WNT7A: variants seen among roughly 807,000 people sequenced by gnomAD.
WNT7A encodes protein Wnt-7a.
A neutral mutation model predicts 28.2 loss-of-function variants in WNT7A; 16 were observed. The observed-to-expected ratio is 0.57, with a 90% CI of 0.38 to 0.86. The LOEUF is 0.86. Among genes scored for constraint, WNT7A ranks in the 40% least tolerant of loss-of-function variants. The pLI, the probability that WNT7A is intolerant of heterozygous loss-of-function variation, is 0.00. For missense variants in WNT7A, 411 were observed against 489.7 expected (o/e 0.84, Z 1.52); for synonymous variants, 190 against 195.9 (o/e 0.97, Z 0.25).
intron 2 of WNT7A, among the ~76,000 whole-genome samples, chr3:13,870,724 T>C (rs12635908): frequency 0.56 from 84,621 of 152,114 alleles, 24,453 homozygotes; most frequent in East Asian, 0.93. Flanking sequence ...CTGGGGGTAC[T>C]TGAATCTGGA....
intron 3 of WNT7A, among the ~76,000 whole-genome samples, chr3:13,850,823 C>A (rs865796554): frequency 6.6e-6 from 1 of 152,060 alleles, no homozygotes; most frequent in Non-Finnish European, 1.5e-5. Flanking sequence ...GCTGCCCAGG[C>A]TTCTCTGCAC....
At chr3:13,826,102 T>A (rs532455538) in intron 3 of WNT7A, among the ~76,000 whole-genome samples, 1 of 152,298 alleles carries the variant, frequency 6.6e-6, no homozygotes, top group East Asian at 1.9e-4. Flanking sequence ...AGTGAGGACC[T>A]ACTGTGTGGT....
intron 2 of WNT7A, among the ~76,000 whole-genome samples, chr3:13,860,391 TG>T (rs1206253032): frequency 6.6e-6 from 1 of 152,218 alleles, no homozygotes; most frequent in African/African-American, 2.4e-5. Flanking sequence ...CATCAACTCT[TG>T]TCAGAATGCA....
At position 13,833,883 on chromosome 3, in the gene WNT7A, G is replaced by A. The variant is rs373026434; in HGVS notation, c.571-14460C>T. The stretch of plus-strand genomic sequence containing the variant: ...CCACTCATTCACCTTTCCACCACAC[G>A]CTAACTTAATCCCTTCCCTGGCCAG... On this transcript the variant is annotated intron_variant, in intron 3 of 3. Transcript: ENST00000285018. Among the ~76,000 whole-genome samples, 18 of 152,294 alleles carry A rather than the reference G, an allele frequency of 1.2e-4. 1 individual carries two copies. In the South Asian group the frequency reaches 1.9e-3, roughly 16 times the overall value.
At chr3:13,829,548 C>A (rs929441965) in intron 3 of WNT7A, among the ~76,000 whole-genome samples, 1 of 152,128 alleles carries the variant, frequency 6.6e-6, no homozygotes, top group Admixed American at 6.6e-5. Context: ...GCAGGGAGAG[C>A]GGCGCTGTGG....
At chr3:13,871,584 A>G (rs1189670417) in intron 2 of WNT7A, among the ~76,000 whole-genome samples, 1 of 150,668 alleles carries the variant, frequency 6.6e-6, no homozygotes, top group Non-Finnish European at 1.5e-5. Flanking sequence ...CCTCCTTCCT[A>G]GCTGGCCCTT....
At chr3:13,833,737 G>A (rs1694320013) in intron 3 of WNT7A, among the ~76,000 whole-genome samples, 1 of 152,232 alleles carries the variant, frequency 6.6e-6, no homozygotes, top group South Asian at 2.1e-4. Context: ...CAACCACAGC[G>A]TGAGGGGCAG....
chr3:13,840,023 G>A (rs891827176), intron 3 of WNT7A, among the ~76,000 whole-genome samples: 1 of 152,158 alleles, frequency 6.6e-6, no homozygotes, highest in Non-Finnish European at 1.5e-5. Flanking sequence ...TTCTCTCACA[G>A]GGAAGCAGGG....
rs993088375 is a variant in WNT7A at position 13,817,687 on chromosome 3, G to A, written c.*1257C>T. The A allele has an allele frequency of 6.6e-6, 1 of 152,298 alleles. No individual in the cohort carries two copies. Among genetic ancestry groups the A allele is most frequent in the Non-Finnish European group, 1.5e-5 (1 of 68,110 alleles). The allele number at this position is 152,298 out of a possible 1,614,324, so 9.4% of individuals were successfully genotyped here. On this transcript the variant is annotated 3_prime_UTR_variant, in exon 4 of 4. Coordinates refer to ENST00000285018, the MANE Select transcript of WNT7A (RefSeq NM_004625.4). ...ATCTGCTTTGGGTCACCTCACCTGA[G>A]GACTACATCTCACCTTCCAGGACAC...
At position 13,818,897 on chromosome 3, in the gene WNT7A, C is replaced by G; in HGVS notation, c.*47G>C. 1 of 1,538,774 alleles carries G rather than the reference C, an allele frequency of 6.5e-7. No homozygotes were observed. The highest frequency in any genetic ancestry group is 1.4e-5 in the African/African-American group (1 of 73,552). On this transcript the variant is annotated 3_prime_UTR_variant, in exon 4 of 4. Transcript: ENST00000285018. ...CCCGCAGCTTGGAAACGGTCCAGTCCTCCCAGCAATCTGACTTGCAGCGGG... is the reference window on the plus strand; with the variant it reads ...CCCGCAGCTTGGAAACGGTCCAGTCGTCCCAGCAATCTGACTTGCAGCGGG...
chr3:13,868,462 G>T (rs1464230302), intron 2 of WNT7A, among the ~76,000 whole-genome samples: 1 of 147,682 alleles, frequency 6.8e-6, no homozygotes. Flanking sequence ...GTGACAGAGA[G>T]AGACCCTGTC....
intron 3 of WNT7A, among the ~76,000 whole-genome samples, chr3:13,836,697 G>A (rs1694375821): frequency 6.6e-6 from 1 of 152,216 alleles, no homozygotes; most frequent in African/African-American, 2.4e-5. Flanking sequence ...CCGGTAGAAG[G>A]AAGACTGGTC....
intron 2 of WNT7A, among the ~76,000 whole-genome samples, chr3:13,856,960 A>AAGAAGAAGAAGAAGGAGAAGAAGG (rs1559303362): frequency 2.6e-5 from 3 of 117,470 alleles, no homozygotes; most frequent in African/African-American, 1.2e-4. Context: ...GAAGAAGAAG[A>AAGAAGAAGAAGAAGGAGAAGAAGG]AGAAGAAGGA....
In WNT7A at chr3:13,818,976, T is replaced by G. The variant is rs758208416; in HGVS notation, c.1018A>C (p.Ser340Arg). The G allele has an allele frequency of 6.3e-7, 1 of 1,598,460 alleles. No homozygotes were observed. The highest frequency in any genetic ancestry group is 1.7e-5 in the Admixed American group (1 of 59,574). ...CACGTGTACATCTCCGTGCGCTCGC[T>G]GCACGTGTTGCACTTGACATAGCAG... is the stretch of plus-strand genomic sequence containing the variant. The part of the protein sequence containing the change: ...WCCYVKCNTC[S>R]ERTEMYTCK Residue 340 changes from serine (S) to arginine (R), a missense_variant, in exon 4 of 4, where the codon AGC becomes CGC. Physicochemically the swap from Ser to Arg is moderately radical, Grantham distance 110. Transcript: ENST00000285018.
chr3:13,834,838 C>T (rs577760757), intron 3 of WNT7A, among the ~76,000 whole-genome samples: 2 of 152,332 alleles, frequency 1.3e-5, no homozygotes, highest in Non-Finnish European at 2.9e-5. Flanking sequence ...TTTAGTTGTG[C>T]TTATCATGTC....
chr3:13,875,325 C>A (rs964427990), intron 1 of WNT7A, 152 bp from the exon 2 acceptor site: 3 of 707,736 alleles, frequency 4.2e-6, no homozygotes, highest in Non-Finnish European at 4.9e-6. Context: ...CATGTCCATT[C>A]GAATAGAAAC....
At chr3:13,821,444 A>G (rs548143422) in intron 3 of WNT7A, among the ~76,000 whole-genome samples, 1 of 152,308 alleles carries the variant, frequency 6.6e-6, no homozygotes, top group African/African-American at 2.4e-5. Context: ...AGAGAATCAC[A>G]CTGTGTGTGC....
intron 3 of WNT7A, among the ~76,000 whole-genome samples, chr3:13,849,021 G>A (rs1395798330): frequency 3.3e-5 from 5 of 152,212 alleles, no homozygotes; most frequent in African/African-American, 4.8e-5. Context: ...ACCCACCTAT[G>A]TAACATCGTT....
intron 3 of WNT7A, among the ~76,000 whole-genome samples, chr3:13,820,311 A>T (rs1325821800): frequency 6.6e-6 from 1 of 152,018 alleles, no homozygotes; most frequent in East Asian, 1.9e-4. Flanking sequence ...GTGAGTGGAC[A>T]TTTATTAACC....
Sources: gnomAD v4.1 joint callset for allele counts (sites outside exome capture counted in the v4.1 genomes callset) on GRCh38, gnomAD v4.1.1 for gene constraint, MANE v1.5 for transcripts, NCBI Gene and HGNC (gene_info 2026-07-23, HGNC 2026-07-21) for gene names.